Variants in NRCAM observed in about 807,000 individuals in gnomAD.
NRCAM encodes NgCAM-related cell adhesion molecule.
In NRCAM, 83 loss-of-function variants were observed where a neutral mutation model predicts 156.5. The ratio of observed to expected loss-of-function variants is 0.53; its 90% CI spans 0.44 to 0.64. NRCAM has a LOEUF of 0.64. Ranked by LOEUF, NRCAM falls within the 30% of genes least tolerant of loss-of-function variation. The pLI is 0.00. For synonymous variants in NRCAM, 538 were observed against 563.9 expected, an observed-to-expected ratio of 0.95 and a Z score of 0.65; for missense variants, 1,417 against 1,597.3, an observed-to-expected ratio of 0.89 and a Z score of 1.92.
intron 28 of NRCAM, 29 bp downstream of exon 28, chr7:108,175,293 T>C: frequency 1.9e-6 from 3 of 1,547,182 alleles, no homozygotes; most frequent in Admixed American, 2.0e-5. Context: ...TTCACACATG[T>C]ATAAAGTCAT....
At chr7:108,171,003 T>C (rs2058141484) in intron 28 of NRCAM, among the ~76,000 whole-genome samples, 1 of 152,216 alleles carries the variant, frequency 6.6e-6, no homozygotes, top group South Asian at 2.1e-4. Flanking sequence ...ATTTAGCTTA[T>C]TCTTAAAGAT....
At chr7:108,177,794 G>A (rs1052878174) in intron 26 of NRCAM, among the ~76,000 whole-genome samples, 196 bp downstream of exon 26, 1 of 151,482 alleles carries the variant, frequency 6.6e-6, no homozygotes, top group Non-Finnish European at 1.5e-5. Flanking sequence ...ACAGCTAGAG[G>A]GAGGATATTA....
At chr7:108,166,787 A>G in intron 30 of NRCAM, 134 bp downstream of exon 30, 2 of 665,704 alleles carry the variant, frequency 3.0e-6, no homozygotes. Context: ...AAAACTCCCA[A>G]CCCAACAGGG....
chr7:108,155,101 T>TATATATATATATATACAC (rs1270777439), intron 32 of NRCAM, among the ~76,000 whole-genome samples: 1 of 123,102 alleles, frequency 8.1e-6, no homozygotes, highest in African/African-American at 3.5e-5. Flanking sequence ...TATATATATA[T>TATATATATATATATACAC]ACACACACAC....
At chr7:108,238,185 T>A (rs898197779) in intron 4 of NRCAM, among the ~76,000 whole-genome samples, 2 of 152,216 alleles carry the variant, frequency 1.3e-5, no homozygotes, top group African/African-American at 4.8e-5. Flanking sequence ...TCACTGTGCA[T>A]ATGGTAATAA....
intron 3 of NRCAM, among the ~76,000 whole-genome samples, chr7:108,265,145 T>A (rs2154015831): frequency 6.6e-6 from 1 of 152,322 alleles, no homozygotes. Flanking sequence ...GAATCACATT[T>A]AGAAAGTAAG....
chr7:108,174,669 T>C (rs76535656), intron 28 of NRCAM, among the ~76,000 whole-genome samples: 11,776 of 152,248 alleles, frequency 0.077, 820 homozygotes, highest in African/African-American at 0.19. Context: ...ACAAAATCCA[T>C]TGTGGATTGT....
intron 20 of NRCAM, among the ~76,000 whole-genome samples, chr7:108,188,369 T>C (rs2153419229): frequency 7.6e-6 from 1 of 131,452 alleles, no homozygotes; most frequent in Middle Eastern, 3.6e-3. Flanking sequence ...TGAAGGTAGA[T>C]CTGAGTCCTC....
chr7:108,251,656 G>A (rs1253403819), intron 3 of NRCAM, among the ~76,000 whole-genome samples: 1 of 152,228 alleles, frequency 6.6e-6, no homozygotes, highest in African/African-American at 2.4e-5. Context: ...GCATGGGAAA[G>A]TGAGTACCAG....
At chr7:108,203,805 A>T (rs940734115) in intron 13 of NRCAM, among the ~76,000 whole-genome samples, 1 of 152,204 alleles carries the variant, frequency 6.6e-6, no homozygotes, top group African/African-American at 2.4e-5. Context: ...CCTCACCCGC[A>T]GCAGCTGGTC....
At chr7:108,365,964 C>T (rs896157137) in intron 2 of NRCAM, among the ~76,000 whole-genome samples, 7 of 152,112 alleles carry the variant, frequency 4.6e-5, no homozygotes, top group Admixed American at 1.3e-4. Flanking sequence ...GCGTTATGAG[C>T]GGAGGCCTTT....
chr7:108,195,044 G>A (rs963853665), intron 15 of NRCAM, among the ~76,000 whole-genome samples: 1 of 149,278 alleles, frequency 6.7e-6, no homozygotes, highest in African/African-American at 2.5e-5. Context: ...AGAAACAATG[G>A]TAAGAACAAA....
intron 2 of NRCAM, among the ~76,000 whole-genome samples, chr7:108,377,764 C>G (rs895772325): frequency 1.3e-5 from 2 of 152,080 alleles, no homozygotes; most frequent in Non-Finnish European, 2.9e-5. Flanking sequence ...ACAGACTACA[C>G]ATTCTGAAAT....
rs576268550 is a variant in NRCAM, at chr7:108,393,520, C to T, written c.-174+5916G>A. On this transcript the variant is annotated intron_variant, in intron 2 of 32. Coordinates refer to ENST00000379028, the MANE Select transcript of NRCAM (RefSeq NM_001037132.4). ...GGCTAGGAAAGGGAATTCCCTGACCCCTTGCGCTTCCCAGGTGAGGTGATG... is the reference window on the plus strand; with the variant it reads ...GGCTAGGAAAGGGAATTCCCTGACCTCTTGCGCTTCCCAGGTGAGGTGATG... Among the ~76,000 whole-genome samples, 25 of 152,226 alleles carry T rather than the reference C, an allele frequency of 1.6e-4. No individual in the cohort carries two copies. The South Asian group carries it at 4.6e-3, about 28-fold the overall frequency.
Position 108,341,005 on chromosome 7 carries a change from G to A in NRCAM, c.-173-28274C>T, listed in dbSNP as rs530260088. ...TTTAGTTATGGCCCTCAGGCAAGCA[G>A]ACTTTGGAGGCTCTGGAACACGGAA... On this transcript the variant is annotated intron_variant, in intron 2 of 32. Coordinates refer to ENST00000379028, the MANE Select transcript of NRCAM (RefSeq NM_001037132.4). Among the ~76,000 whole-genome samples the A allele has an allele frequency of 2.6e-5, 4 of 152,358 alleles. No individual in the cohort carries two copies. In the East Asian group the frequency reaches 7.7e-4, roughly 29 times the overall value.
intron 1 of NRCAM, among the ~76,000 whole-genome samples, chr7:108,448,886 A>G (rs1329664065): frequency 5.9e-5 from 9 of 152,214 alleles, no homozygotes; most frequent in African/African-American, 2.2e-4. Context: ...CATCAAAACA[A>G]TCTGTGGACA....
chr7:108,244,882 C>G (rs2095803552), intron 3 of NRCAM, among the ~76,000 whole-genome samples: 1 of 152,136 alleles, frequency 6.6e-6, no homozygotes, highest in Admixed American at 6.5e-5. Flanking sequence ...AATCTCTACT[C>G]CTCAGAGCAC....
At chr7:108,423,142 G>A (rs928397504) in intron 1 of NRCAM, among the ~76,000 whole-genome samples, 5 of 152,068 alleles carry the variant, frequency 3.3e-5, no homozygotes, top group South Asian at 2.1e-4. Flanking sequence ...TAGAGAGGAC[G>A]GTGATTCTCA....
Position 108,302,155 on chromosome 7 carries a change from C to T in NRCAM, c.-107+10510G>A, listed in dbSNP as rs75615511. On this transcript the variant is annotated intron_variant, in intron 3 of 32. Coordinates refer to ENST00000379028, the MANE Select transcript of NRCAM (RefSeq NM_001037132.4). ...GCTTAGTAATAATGACATATTGTTC[C>T]GTGTTATTGCTTCAAAAAATGTTTC... 1.6e-3 allele frequency among the ~76,000 whole-genome samples: 250 copies of T among 151,950 alleles called. 1 individual carries two copies. Among genetic ancestry groups the T allele is most frequent in the African/African-American group, 5.8e-3 (242 of 41,432 alleles).
Sources: allele counts gnomAD v4.1 joint callset (sites outside exome capture counted in the v4.1 genomes callset), GRCh38; gene constraint gnomAD v4.1.1; transcripts MANE v1.5; gene names NCBI Gene and HGNC (gene_info 2026-07-23, HGNC 2026-07-21).